ATRNL1: variants seen among roughly 807,000 people sequenced by gnomAD.
ATRNL1 encodes the protein attractin like 1.
ATRNL1 carries 95 observed loss-of-function variants against 182.7 expected under a neutral mutation model. The ratio of observed to expected loss-of-function variants is 0.52; its 90% CI spans 0.44 to 0.62. The LOEUF (loss-of-function observed/expected upper bound fraction) is 0.62, where lower values mean the gene tolerates loss of function less well. Among genes scored for constraint, ATRNL1 ranks in the 20% least tolerant of loss-of-function variants. The probability of loss-of-function intolerance (pLI) is 0.00; values close to 1 mark genes in which losing one functional copy is unlikely to be tolerated. For synonymous variants in ATRNL1, 576 were observed against 568.3 expected (o/e 1.01, Z -0.19); for missense variants, 1,471 against 1,679.5 (o/e 0.88, Z 2.17).
chr10:115,772,593 C>CTGTGTG (rs71475107), intron 27 of ATRNL1, among the ~76,000 whole-genome samples: 8,846 of 125,364 alleles, frequency 0.071, 312 homozygotes, highest in East Asian at 0.088. Context: ...AATATATACT[C>CTGTGTG]TGTCTGTGTG....
chr10:115,542,650 G>A (rs946107732), intron 25 of ATRNL1, among the ~76,000 whole-genome samples: 1 of 152,158 alleles, frequency 6.6e-6, no homozygotes, highest in Non-Finnish European at 1.5e-5. Flanking sequence ...GACCAAACCT[G>A]GAACTTTTCT....
chr10:115,839,231 C>A (rs75076196), intron 27 of ATRNL1, among the ~76,000 whole-genome samples: 5,814 of 152,184 alleles, frequency 0.038, 326 homozygotes, highest in African/African-American at 0.12. Flanking sequence ...CCGCAAGTTT[C>A]TAATAGAGAG....
chr10:115,484,054 C>T (rs1394804540), intron 24 of ATRNL1, among the ~76,000 whole-genome samples: 2 of 151,374 alleles, frequency 1.3e-5, no homozygotes, highest in African/African-American at 4.8e-5. Flanking sequence ...GTGCCTTATA[C>T]TCCCTTTCTT....
At chr10:115,943,496 G>A (rs1440804811) in intron 28 of ATRNL1, among the ~76,000 whole-genome samples, 4 of 152,166 alleles carry the variant, frequency 2.6e-5, no homozygotes, top group Admixed American at 1.3e-4. Context: ...TATTAGAATG[G>A]CTAACACCTA....
At chr10:115,635,814 T>A (rs958462388) in intron 26 of ATRNL1, among the ~76,000 whole-genome samples, 5 of 152,038 alleles carry the variant, frequency 3.3e-5, no homozygotes, top group Admixed American at 6.6e-5. Flanking sequence ...AGGAAAAAAA[T>A]CAGTGAGTGA....
rs1172732446 is a variant in ATRNL1 at position 115,948,686 on chromosome 10, A to G, written c.*3907A>G. On this transcript the variant is annotated 3_prime_UTR_variant, in exon 29 of 29. Transcript: ENST00000355044. ...CATTAGAGGGAGTTCTCTAAATAAC[A>G]AAGTTATTACTCTAATTCAAAATGC... The G allele has an allele frequency of 6.6e-6, 1 of 152,222 alleles. No individual in the cohort carries two copies. The highest frequency in any genetic ancestry group is 1.5e-5 in the Non-Finnish European group (1 of 68,036). 9.4% of individuals were successfully genotyped at this position (152,222 alleles called of 1,614,324 possible).
intron 19 of ATRNL1, among the ~76,000 whole-genome samples, chr10:115,365,885 A>G (rs1378521507): frequency 1.3e-5 from 2 of 152,042 alleles, no homozygotes; most frequent in African/African-American, 2.4e-5. Flanking sequence ...GGTCTGAGAG[A>G]TAGTTTGTTA....
chr10:115,698,763 C>A (rs184890185), intron 26 of ATRNL1, among the ~76,000 whole-genome samples: 21 of 149,922 alleles, frequency 1.4e-4, no homozygotes, highest in Non-Finnish European at 2.4e-4. Context: ...GGCAACAGAG[C>A]GAGACTCCAT....
chr10:115,554,802 A>C (rs532629462), intron 26 of ATRNL1, among the ~76,000 whole-genome samples: 6 of 151,822 alleles, frequency 4.0e-5, no homozygotes, highest in African/African-American at 1.4e-4. Flanking sequence ...CCCTAAACAA[A>C]AAAACTTTGG....
intron 26 of ATRNL1, among the ~76,000 whole-genome samples, chr10:115,726,637 A>G (rs7894330): frequency 0.34 from 51,889 of 152,054 alleles, 10,165 homozygotes; most frequent in East Asian, 0.52. Context: ...CCTTGCACAC[A>G]ATTTCTGCAC....
At chr10:115,237,396 T>G (rs1385474540) in intron 9 of ATRNL1, among the ~76,000 whole-genome samples, 3 of 152,230 alleles carry the variant, frequency 2.0e-5, no homozygotes, top group African/African-American at 4.8e-5. Context: ...CGTTGCCATC[T>G]TTTGTCAGCA....
At chr10:115,619,342 C>CT (rs1302253871) in intron 26 of ATRNL1, among the ~76,000 whole-genome samples, 1 of 152,166 alleles carries the variant, frequency 6.6e-6, no homozygotes, top group African/African-American at 2.4e-5. Context: ...ACTGTGAGCC[C>CT]TGTGCAGGCT....
intron 26 of ATRNL1, among the ~76,000 whole-genome samples, chr10:115,717,795 C>A (rs1404651471): frequency 1.3e-5 from 2 of 151,954 alleles, no homozygotes; most frequent in Non-Finnish European, 2.9e-5. Flanking sequence ...ACCTCGTGAT[C>A]CACCCACCTC....
intron 10 of ATRNL1, among the ~76,000 whole-genome samples, chr10:115,244,266 T>C (rs1452857680): frequency 6.6e-6 from 1 of 152,160 alleles, no homozygotes; most frequent in Admixed American, 6.5e-5. Flanking sequence ...TGTTGCAAAA[T>C]GTATTATTTG....
intron 28 of ATRNL1, among the ~76,000 whole-genome samples, chr10:115,915,769 G>C (rs781946680): frequency 3.9e-5 from 6 of 152,174 alleles, no homozygotes; most frequent in Non-Finnish European, 8.8e-5. Flanking sequence ...GAAGGATCAT[G>C]CGTTAATGTC....
chr10:115,542,860 A>G (rs1176188961), intron 25 of ATRNL1, among the ~76,000 whole-genome samples: 1 of 152,186 alleles, frequency 6.6e-6, no homozygotes, highest in African/African-American at 2.4e-5. Context: ...CTGTGTACTC[A>G]CATGGCCTTT....
intron 28 of ATRNL1, among the ~76,000 whole-genome samples, chr10:115,924,607 T>C (rs1555119519): frequency 6.6e-6 from 1 of 152,200 alleles, no homozygotes; most frequent in African/African-American, 2.4e-5. Flanking sequence ...TATTGGTCTA[T>C]ATGTCTATTT....
chr10:115,684,423 A>G (rs1593063499), intron 26 of ATRNL1, among the ~76,000 whole-genome samples: 2 of 150,406 alleles, frequency 1.3e-5, no homozygotes. Context: ...TTGTAATAAC[A>G]TTAGTACAAA....
At chr10:115,789,664 A>G (rs1288207963) in intron 27 of ATRNL1, among the ~76,000 whole-genome samples, 2 of 152,176 alleles carry the variant, frequency 1.3e-5, no homozygotes, top group African/African-American at 4.8e-5. Flanking sequence ...TCCTATTTTA[A>G]AATTTCTTTG....
Sources: gnomAD v4.1 joint callset for allele counts (sites outside exome capture counted in the v4.1 genomes callset) on GRCh38, gnomAD v4.1.1 for gene constraint, MANE v1.5 for transcripts, NCBI Gene and HGNC (gene_info 2026-07-23, HGNC 2026-07-21) for gene names.